The following PDK3 variants were observed in gnomAD, a reference collection of about 807,000 sequenced individuals.
The protein encoded by PDK3 is pyruvate dehydrogenase kinase, isozyme 3.
PDK3 carries 12 observed loss-of-function variants against 32.0 expected under a neutral mutation model. The ratio of observed to expected loss-of-function variants is 0.37; its 90% confidence interval spans 0.24 to 0.61. The LOEUF is 0.61. Ranked by LOEUF, PDK3 falls within the 20% of genes least tolerant of loss-of-function variation. The pLI is 0.65. For synonymous variants in PDK3, 122 were observed against 116.3 expected (o/e 1.05, Z -0.31); for missense variants, 188 against 316.9 (o/e 0.59, Z 3.09).
intron 4 of PDK3, among the ~76,000 whole-genome samples, chrX:24,504,734 C>T (rs960167585): frequency 9.8e-5 from 11 of 111,995 alleles, no homozygotes; most frequent in Non-Finnish European, 1.5e-4. Flanking sequence ...TTTGTGTACA[C>T]AACATTGAAA....
intron 9 of PDK3, among the ~76,000 whole-genome samples, chrX:24,528,565 T>C (rs1425425710): frequency 1.8e-5 from 2 of 112,951 alleles, no homozygotes; most frequent in Non-Finnish European, 3.7e-5. Context: ...CGCTTGGTCC[T>C]GCGCACTCTG....
At chrX:24,529,745 C>T (rs1199187197) in intron 9 of PDK3, among the ~76,000 whole-genome samples, 10 of 96,692 alleles carry the variant, frequency 1.0e-4, no homozygotes, top group Admixed American at 7.1e-4. Context: ...GGCGACAGAG[C>T]GAGGCTCTGC....
chrX:24,546,332 A>G (rs1039455888), exon 12 of PDK3: 6 of 111,824 alleles, frequency 5.4e-5, no homozygotes, highest in African/African-American at 2.0e-4. Flanking sequence ...AGAACTTATT[A>G]TTTGAATAGA....
At chrX:24,521,877 G>T (rs915721802) in intron 6 of PDK3, among the ~76,000 whole-genome samples, 2 of 111,757 alleles carry the variant, frequency 1.8e-5, no homozygotes, top group Non-Finnish European at 3.8e-5. Context: ...GTAGCTTCTA[G>T]CTTTATGTTG....
At chrX:24,513,060 C>T (rs1462175856) in intron 5 of PDK3, among the ~76,000 whole-genome samples, 2 of 111,717 alleles carry the variant, frequency 1.8e-5, no homozygotes, top group African/African-American at 3.3e-5. Context: ...TTTTTGCCCA[C>T]GATCTTGATT....
At chrX:24,539,551 C>T (rs992496057) in exon 12 of PDK3, 1 of 127,907 alleles carries the variant, frequency 7.8e-6, no homozygotes, top group African/African-American at 3.2e-5. Context: ...CTCCTTGTGA[C>T]CAAATACCAT....
intron 1 of PDK3, among the ~76,000 whole-genome samples, chrX:24,466,310 A>C (rs145723793): frequency 1.8e-5 from 2 of 112,215 alleles, no homozygotes; most frequent in Admixed American, 1.9e-4. Context: ...GGCCTAGCTG[A>C]GATGGGAATA....
chrX:24,512,495 AC>A (rs954667379), intron 5 of PDK3, among the ~76,000 whole-genome samples: 8 of 112,040 alleles, frequency 7.1e-5, no homozygotes, highest in African/African-American at 2.6e-4. Flanking sequence ...TATCAAAAGA[AC>A]CTGGTAGGTC....
exon 12 of PDK3, among the ~76,000 whole-genome samples, chrX:24,545,331 C>T (rs973653497): frequency 1.7e-4 from 19 of 111,969 alleles, no homozygotes; most frequent in African/African-American, 5.8e-4. Flanking sequence ...ATCAGGATTC[C>T]TTTTGGTTTC....
chrX:24,476,645 G>C (rs927880643), intron 1 of PDK3, among the ~76,000 whole-genome samples: 3 of 111,510 alleles, frequency 2.7e-5, no homozygotes, highest in African/African-American at 9.8e-5. Flanking sequence ...CACCAGTGTG[G>C]GACATTTGTT....
intron 1 of PDK3, among the ~76,000 whole-genome samples, chrX:24,466,686 A>G (rs1224879707): frequency 1.8e-5 from 2 of 111,281 alleles, no homozygotes; most frequent in African/African-American, 3.3e-5. Flanking sequence ...AGTTGAGACC[A>G]AATTAAAATT....
exon 12 of PDK3, chrX:24,545,551 A>G (rs1427145426): frequency 9.0e-6 from 1 of 111,642 alleles, no homozygotes; most frequent in Non-Finnish European, 1.9e-5. Flanking sequence ...GCTCTAGCAT[A>G]ATGATAAAGG....
Position 24,482,019 on chromosome X carries a change from G to A in PDK3, c.107-12723G>A, listed in dbSNP as rs770978863. Reference sequence around the variant, plus strand: ...GAACCAGAAATTATTCTTTTTATGAGGCCAAGGGAACTTACATTTGTGTGC... The same window carrying A: ...GAACCAGAAATTATTCTTTTTATGAAGCCAAGGGAACTTACATTTGTGTGC... On this transcript the variant is annotated intron_variant, in intron 1 of 10. Transcript: ENST00000379162. 6.3e-5 allele frequency among the ~76,000 whole-genome samples: 7 copies of A among 111,938 alleles called. No homozygotes were observed. In the South Asian group the frequency reaches 2.6e-3, roughly 42 times the overall value.
chrX:24,537,640 T>G (rs1376591792), downstream of PDK3, among the ~76,000 whole-genome samples: 3 of 111,817 alleles, frequency 2.7e-5, no homozygotes, highest in Non-Finnish European at 5.6e-5. Flanking sequence ...TATATATTTC[T>G]TATTATCCTG....
chrX:24,510,915 G>A (rs1253632821), intron 5 of PDK3, among the ~76,000 whole-genome samples: 1 of 112,153 alleles, frequency 8.9e-6, no homozygotes, highest in East Asian at 2.8e-4. Flanking sequence ...GTCTCCAGTC[G>A]ACTGTCTGCT....
At chrX:24,501,094 A>G (rs1716097070) in intron 3 of PDK3, among the ~76,000 whole-genome samples, 1 of 111,454 alleles carries the variant, frequency 9.0e-6, no homozygotes, top group South Asian at 3.7e-4. Context: ...CAAATATTTC[A>G]TCAAATATTT....
intron 9 of PDK3, among the ~76,000 whole-genome samples, chrX:24,530,736 A>G (rs1922629897): frequency 8.9e-6 from 1 of 111,910 alleles, no homozygotes; most frequent in Non-Finnish European, 1.9e-5. Context: ...GTTCTTGTCC[A>G]TAGAACACCT....
chrX:24,493,671 T>C (rs756033999), intron 1 of PDK3, among the ~76,000 whole-genome samples: 7 of 112,005 alleles, frequency 6.2e-5, no homozygotes, highest in Non-Finnish European at 1.1e-4. Flanking sequence ...TGTCCAACAC[T>C]TGCTCCGTGT....
chrX:24,536,843 A>G (rs890801330), downstream of PDK3, among the ~76,000 whole-genome samples: 1 of 111,311 alleles, frequency 9.0e-6, no homozygotes, highest in African/African-American at 3.3e-5. Flanking sequence ...TTTACAAGGA[A>G]CACATAGTCT....
Sources: allele counts gnomAD v4.1 joint callset (sites outside exome capture counted in the v4.1 genomes callset), GRCh38; gene constraint gnomAD v4.1.1; transcripts MANE v1.5; gene names NCBI Gene and HGNC (gene_info 2026-07-23, HGNC 2026-07-21).